Variants in GRM5 observed in about 807,000 individuals in gnomAD.
GRM5 encodes the protein glutamate metabotropic receptor 5, also known as metabotropic glutamate receptor 5.
GRM5 carries 19 observed loss-of-function variants against 83.1 expected under a neutral mutation model. That is an observed-to-expected ratio of 0.23 (90% CI 0.16 to 0.34). The LOEUF (loss-of-function observed/expected upper bound fraction) is 0.34. GRM5 is among the 10% of genes least tolerant of loss of function. The pLI, the probability that GRM5 is intolerant of heterozygous loss-of-function variation, is 1.00. For synonymous variants in GRM5, 675 were observed against 633.6 expected (o/e 1.07, Z -0.98); for missense variants, 1,160 against 1,588.3 (o/e 0.73, Z 4.58).
intron 3 of GRM5, among the ~76,000 whole-genome samples, chr11:88,688,050 A>G (rs1474646737): frequency 6.6e-6 from 1 of 152,134 alleles, no homozygotes; most frequent in Middle Eastern, 3.2e-3. Flanking sequence ...TTGCATATAA[A>G]TATCCATTTA....
intron 3 of GRM5, among the ~76,000 whole-genome samples, chr11:88,759,905 A>G (rs1942475736): frequency 2.0e-5 from 3 of 152,172 alleles, no homozygotes; most frequent in African/African-American, 7.2e-5. Flanking sequence ...TCAAATTAGA[A>G]ATCAAGACTA....
At chr11:88,521,639 G>C (rs1247286503) in intron 9 of GRM5, among the ~76,000 whole-genome samples, 1 of 152,006 alleles carries the variant, frequency 6.6e-6, no homozygotes, top group Non-Finnish European at 1.5e-5. Flanking sequence ...GGAGGATTCT[G>C]CTCTGAATCA....
At chr11:88,847,089 G>A (rs1483529035) in intron 3 of GRM5, among the ~76,000 whole-genome samples, 1 of 152,104 alleles carries the variant, frequency 6.6e-6, no homozygotes, top group Non-Finnish European at 1.5e-5. Context: ...ATTAGAGTTA[G>A]TAGATGTAAA....
chr11:89,058,678 A>G (rs574393386), intron 1 of GRM5, among the ~76,000 whole-genome samples: 2 of 152,340 alleles, frequency 1.3e-5, no homozygotes, highest in East Asian at 3.9e-4. Flanking sequence ...AGAAATTTCA[A>G]TTTGAGAAAG....
chr11:88,550,208 T>G (rs187625085), intron 8 of GRM5, among the ~76,000 whole-genome samples: 5 of 152,280 alleles, frequency 3.3e-5, no homozygotes, highest in Admixed American at 3.3e-4. Flanking sequence ...TTTCTTCTAA[T>G]GATCTGATTT....
At chr11:88,606,722 A>AT (rs1227112256) in intron 4 of GRM5, among the ~76,000 whole-genome samples, 1 of 152,144 alleles carries the variant, frequency 6.6e-6, no homozygotes, top group Non-Finnish European at 1.5e-5. Flanking sequence ...GAATGCAGTG[A>AT]TCCCAATGAC....
intron 2 of GRM5, among the ~76,000 whole-genome samples, chr11:88,926,323 A>G (rs1167561577): frequency 6.6e-6 from 1 of 152,206 alleles, no homozygotes; most frequent in East Asian, 1.9e-4. Context: ...TGTGAAAAGT[A>G]GTACAAATTC....
intron 3 of GRM5, among the ~76,000 whole-genome samples, chr11:88,788,102 C>T (rs924966831): frequency 1.3e-5 from 2 of 152,150 alleles, no homozygotes; most frequent in South Asian, 4.1e-4. Context: ...GCTAGACACA[C>T]TGGGCACTCT....
chr11:88,988,239 C>A (rs1163754321), intron 2 of GRM5, among the ~76,000 whole-genome samples: 3 of 152,042 alleles, frequency 2.0e-5, no homozygotes, highest in Non-Finnish European at 2.9e-5. Flanking sequence ...CCGATGCAAT[C>A]AACTGGAAGA....
In GRM5 at chr11:89,047,159, G is replaced by A. The variant is rs981814526; in HGVS notation, c.661+53C>T. Reference sequence around the variant, plus strand: ...GTTTACTCTTCCCAAACCTGAAATTGTAACTGTTGAGTGCATAATAATATA... The same window carrying A: ...GTTTACTCTTCCCAAACCTGAAATTATAACTGTTGAGTGCATAATAATATA... On this transcript the variant is annotated intron_variant, in intron 2 of 9. Coordinates refer to ENST00000305447, the MANE Select transcript of GRM5 (RefSeq NM_001143831.3). The surrounding 1 kb of genome is among the most constrained non-coding windows in gnomAD (Gnocchi z 5.1). The A allele has an allele frequency of 7.4e-7, 1 of 1,355,108 alleles. No homozygotes were observed. 83.9% of individuals were successfully genotyped at this position (1,355,108 alleles called of 1,614,324 possible).
At chr11:89,056,615 T>C (rs1193427873) in intron 1 of GRM5, among the ~76,000 whole-genome samples, 2 of 152,122 alleles carry the variant, frequency 1.3e-5, no homozygotes, top group Non-Finnish European at 2.9e-5. Flanking sequence ...AGCTTTTAGA[T>C]GGTGGGGATA....
chr11:88,608,988 C>A (rs1938244010), intron 4 of GRM5, among the ~76,000 whole-genome samples: 1 of 152,086 alleles, frequency 6.6e-6, no homozygotes, highest in Non-Finnish European at 1.5e-5. Context: ...TAGTCCTAAC[C>A]ATTTTCTTCC....
chr11:88,600,663 T>C (rs534122602), intron 5 of GRM5, among the ~76,000 whole-genome samples: 1 of 152,290 alleles, frequency 6.6e-6, no homozygotes, highest in Admixed American at 6.5e-5. Context: ...TAAGGAACTT[T>C]CTAAATGGCT....
chr11:88,982,787 C>G (rs1190109604), intron 2 of GRM5, among the ~76,000 whole-genome samples: 1 of 152,094 alleles, frequency 6.6e-6, no homozygotes, highest in African/African-American at 2.4e-5. Context: ...TAGAAGTTGG[C>G]CGGGTGCAGT....
At chr11:88,539,314 C>A (rs1170568145) in intron 8 of GRM5, among the ~76,000 whole-genome samples, 1 of 152,160 alleles carries the variant, frequency 6.6e-6, no homozygotes, top group East Asian at 1.9e-4. Flanking sequence ...TTAGGTCTCA[C>A]AAAGCCTGGA....
chr11:88,654,759 T>C (rs751127996), intron 3 of GRM5, among the ~76,000 whole-genome samples: 1 of 152,096 alleles, frequency 6.6e-6, no homozygotes, highest in Non-Finnish European at 1.5e-5. Context: ...TTCCTTTCAA[T>C]GCATTTTTGC....
intron 3 of GRM5, among the ~76,000 whole-genome samples, chr11:88,786,975 TA>T (rs780966863): frequency 6.6e-6 from 1 of 152,114 alleles, no homozygotes; most frequent in Non-Finnish European, 1.5e-5. Context: ...TAAGTTTTTA[TA>T]ATGTTTCAGA....
intron 2 of GRM5, among the ~76,000 whole-genome samples, chr11:88,965,980 T>C (rs142584387): frequency 1.3e-5 from 2 of 152,134 alleles, no homozygotes; most frequent in African/African-American, 4.8e-5. Context: ...GAAACTTTCA[T>C]CATGACAGAA....
chr11:88,988,281 G>T (rs1027740368), intron 2 of GRM5, among the ~76,000 whole-genome samples: 2 of 151,984 alleles, frequency 1.3e-5, no homozygotes, highest in African/African-American at 4.8e-5. Context: ...TGAAATGAAT[G>T]AAATGAAGCG....
Sources: gnomAD v4.1 joint callset for allele counts (sites outside exome capture counted in the v4.1 genomes callset) on GRCh38, gnomAD v4.1.1 for gene constraint, Gnocchi (gnomAD v3.1) non-coding constraint, MANE v1.5 for transcripts, NCBI Gene and HGNC (gene_info 2026-07-23, HGNC 2026-07-21) for gene names.